CCSER1: variants seen among roughly 807,000 people sequenced by gnomAD.
CCSER1 encodes the protein coiled-coil serine rich protein 1.
In CCSER1, 41 loss-of-function variants were observed where a neutral mutation model predicts 82.0. The observed-to-expected ratio is 0.50, with a 90% CI of 0.39 to 0.65. The LOEUF is 0.65. CCSER1 is among the 30% of genes least tolerant of loss of function. The pLI, the probability that CCSER1 is intolerant of heterozygous loss-of-function variation, is 0.00. For synonymous variants in CCSER1, 414 were observed against 383.9 expected (o/e 1.08, Z -0.92); for missense variants, 1,119 against 1,064.2 (o/e 1.05, Z -0.72).
intron 10 of CCSER1, among the ~76,000 whole-genome samples, chr4:91,362,062 G>A (rs1272914839): frequency 2.0e-5 from 3 of 151,826 alleles, no homozygotes; most frequent in Admixed American, 6.6e-5. Context: ...GGCCCTGCAC[G>A]GAAGGGACAT....
intron 8 of CCSER1, among the ~76,000 whole-genome samples, chr4:90,863,560 A>G (rs1765357940): frequency 6.6e-6 from 1 of 151,614 alleles, no homozygotes; most frequent in Non-Finnish European, 1.5e-5. Flanking sequence ...TTCTTTTTAC[A>G]GCAAACAAAG....
chr4:90,141,560 G>A (rs1328223435), intron 1 of CCSER1, among the ~76,000 whole-genome samples: 1 of 152,170 alleles, frequency 6.6e-6, no homozygotes, highest in Non-Finnish European at 1.5e-5. Flanking sequence ...CATGCAATAT[G>A]TGCAAGAGAC....
intron 1 of CCSER1, among the ~76,000 whole-genome samples, chr4:90,195,481 G>GTAT (rs1222553460): frequency 6.6e-6 from 1 of 152,016 alleles, no homozygotes; most frequent in Non-Finnish European, 1.5e-5. Flanking sequence ...TGAGTACAGA[G>GTAT]TATTTTTAGG....
At chr4:90,431,032 G>A (rs2153566570) in intron 4 of CCSER1, among the ~76,000 whole-genome samples, 1 of 152,066 alleles carries the variant, frequency 6.6e-6, no homozygotes, top group South Asian at 2.1e-4. Context: ...TAGTTTCACA[G>A]GAGCCTGGTT....
intron 10 of CCSER1, among the ~76,000 whole-genome samples, chr4:91,253,532 A>C (rs1284269895): frequency 6.6e-6 from 1 of 152,190 alleles, no homozygotes; most frequent in Non-Finnish European, 1.5e-5. Context: ...GATACTTATG[A>C]AAGTCAAAGG....
intron 3 of CCSER1, among the ~76,000 whole-genome samples, chr4:90,395,625 T>C (rs923290962): frequency 6.6e-6 from 1 of 152,048 alleles, no homozygotes. Context: ...GGAGTTTGCT[T>C]TTACAATTAA....
chr4:90,196,656 T>TACACACACACAC (rs34346681), intron 1 of CCSER1, among the ~76,000 whole-genome samples: 21,876 of 143,672 alleles, frequency 0.15, 2,203 homozygotes, highest in African/African-American at 0.29. Context: ...CCTGCTCAGA[T>TACACACACACAC]ACACACACAC....
At chr4:91,309,653 C>G (rs1236912974) in intron 10 of CCSER1, among the ~76,000 whole-genome samples, 1 of 151,972 alleles carries the variant, frequency 6.6e-6, no homozygotes, top group Non-Finnish European at 1.5e-5. Flanking sequence ...AGCTCTTGTA[C>G]TCTACAAGGA....
chr4:91,254,484 T>C (rs186655731), intron 10 of CCSER1, among the ~76,000 whole-genome samples: 3 of 152,294 alleles, frequency 2.0e-5, no homozygotes, highest in African/African-American at 7.2e-5. Context: ...TTATATTAGA[T>C]ACTTGGAGTA....
At chr4:90,614,066 C>T (rs1260586827) in intron 5 of CCSER1, among the ~76,000 whole-genome samples, 2 of 152,278 alleles carry the variant, frequency 1.3e-5, no homozygotes, top group East Asian at 3.9e-4. Flanking sequence ...TTCCAACAAC[C>T]TGTGCTCACT....
At position 90,888,020 on chromosome 4, in the gene CCSER1, C is replaced by T. The variant is rs917770544; in HGVS notation, c.2095-35350C>T. Among the ~76,000 whole-genome samples, 22 of 151,778 alleles carry T rather than the reference C, an allele frequency of 1.4e-4. 1 individual carries two copies. The highest frequency in any genetic ancestry group is 1.1e-3 in the Admixed American group (17 of 15,226). On this transcript the variant is annotated intron_variant, in intron 8 of 10. Coordinates refer to ENST00000509176, the MANE Select transcript of CCSER1 (RefSeq NM_001145065.2). Reference sequence around the variant, plus strand: ...CAACGGAGAAAAAGTTGTAAAAAGCCCATGTAAAAATAAAATGACAAAATA... The same window carrying T: ...CAACGGAGAAAAAGTTGTAAAAAGCTCATGTAAAAATAAAATGACAAAATA...
intron 1 of CCSER1, among the ~76,000 whole-genome samples, chr4:90,291,198 T>A (rs1317087647): frequency 2.0e-5 from 3 of 152,174 alleles, no homozygotes; most frequent in East Asian, 3.9e-4. Flanking sequence ...TGGATTAGAT[T>A]TAATTCTATT....
intron 10 of CCSER1, among the ~76,000 whole-genome samples, chr4:91,448,315 GTTC>G (rs1044912810): frequency 9.2e-5 from 14 of 152,078 alleles, no homozygotes; most frequent in Admixed American, 2.0e-4. Flanking sequence ...AAATTCTCCT[GTTC>G]TTCTTTAAAT....
chr4:90,326,922 T>A (rs1158191993), intron 3 of CCSER1, among the ~76,000 whole-genome samples: 1 of 152,218 alleles, frequency 6.6e-6, no homozygotes, highest in African/African-American at 2.4e-5. Context: ...TGATACAGCA[T>A]AGATGGACAT....
chr4:91,103,678 G>A lies in CCSER1; in HGVS notation c.2217+17684G>A, dbSNP rs556593327. On this transcript the variant is annotated intron_variant, in intron 10 of 10. Transcript: ENST00000509176. ...TTAATCTCTTAATCCTGTTATCTTC[G>A]TAAGCTGAGGATGTATGTCACCTCA... 3.9e-4 allele frequency among the ~76,000 whole-genome samples: 60 copies of A among 151,972 alleles called. 2 individuals are homozygous for A. In the South Asian group the frequency reaches 0.01, roughly 26 times the overall value.
intron 10 of CCSER1, among the ~76,000 whole-genome samples, chr4:91,348,994 C>T (rs1748267076): frequency 6.6e-6 from 1 of 151,942 alleles, no homozygotes; most frequent in Non-Finnish European, 1.5e-5. Context: ...CTGCAAGCTC[C>T]GCCTCCCGGG....
In CCSER1 at chr4:91,298,779, A is replaced by G. The variant is rs540531788; in HGVS notation, c.2217+212785A>G. On this transcript the variant is annotated intron_variant, in intron 10 of 10. Coordinates refer to ENST00000509176, the MANE Select transcript of CCSER1 (RefSeq NM_001145065.2). Reference sequence around the variant, plus strand: ...AATATACAGAACCAAATAAACAGAGAGATCACAGACAAACTTAATGCTCTC... The same window carrying G: ...AATATACAGAACCAAATAAACAGAGGGATCACAGACAAACTTAATGCTCTC... Among the ~76,000 whole-genome samples, 21 of 152,152 alleles carry G rather than the reference A, an allele frequency of 1.4e-4. No homozygotes were observed. In the South Asian group the frequency reaches 4.1e-3, roughly 30 times the overall value.
chr4:90,813,275 G>A (rs972285037), intron 7 of CCSER1, among the ~76,000 whole-genome samples: 3 of 152,180 alleles, frequency 2.0e-5, no homozygotes, highest in Non-Finnish European at 1.5e-5. Flanking sequence ...CTGAAACCTG[G>A]TGGGCCAGTC....
At chr4:90,903,259 C>T (rs1236660934) in intron 8 of CCSER1, among the ~76,000 whole-genome samples, 1 of 152,052 alleles carries the variant, frequency 6.6e-6, no homozygotes, top group Non-Finnish European at 1.5e-5. Flanking sequence ...ACCAGCCTTT[C>T]CCATGCTATT....
Sources: allele counts gnomAD v4.1 joint callset (sites outside exome capture counted in the v4.1 genomes callset), GRCh38; gene constraint gnomAD v4.1.1; transcripts MANE v1.5; gene names NCBI Gene and HGNC (gene_info 2026-07-23, HGNC 2026-07-21).